CLINT1: variants seen among roughly 807,000 people sequenced by gnomAD.
CLINT1 encodes the protein clathrin interacting protein localized in the trans-Golgi region.
Under a neutral mutation model 70.4 loss-of-function variants are expected in CLINT1, and 15 were observed. The ratio of observed to expected loss-of-function variants is 0.21; its 90% CI spans 0.14 to 0.33. The LOEUF (loss-of-function observed/expected upper bound fraction) is 0.33, where lower values mean the gene tolerates loss of function less well. Among genes scored for constraint, CLINT1 ranks in the 10% least tolerant of loss-of-function variants. CLINT1 has a pLI of 1.00. For synonymous variants in CLINT1, 227 were observed against 254.7 expected (o/e 0.89, Z 1.04); for missense variants, 615 against 778.1 (o/e 0.79, Z 2.49).
Position 157,819,977 on chromosome 5 carries a change from G to A in CLINT1, c.42-2430C>T, listed in dbSNP as rs571608990. Among the ~76,000 whole-genome samples, 6 of 152,264 alleles carry A rather than the reference G, an allele frequency of 3.9e-5. No individual in the cohort carries two copies. The East Asian group carries it at 1.2e-3, about 29-fold the overall frequency. On this transcript the variant is annotated intron_variant, in intron 1 of 11. Coordinates refer to ENST00000411809, the MANE Select transcript of CLINT1 (RefSeq NM_014666.4). Reference sequence around the variant, plus strand: ...GCCTGTGTGAGTGCTGTGTTTAGAGGGAGAGGTGGCAGAGAGCCAATAATC... The same window carrying A: ...GCCTGTGTGAGTGCTGTGTTTAGAGAGAGAGGTGGCAGAGAGCCAATAATC...
intron 1 of CLINT1, among the ~76,000 whole-genome samples, chr5:157,823,480 C>T (rs1351465284): frequency 1.3e-5 from 2 of 152,026 alleles, no homozygotes; most frequent in Non-Finnish European, 2.9e-5. Flanking sequence ...CAAACAGTAA[C>T]TAAAATATAT....
chr5:157,848,807 G>A (rs566837406), intron 1 of CLINT1, among the ~76,000 whole-genome samples: 11 of 152,220 alleles, frequency 7.2e-5, no homozygotes, highest in African/African-American at 1.2e-4. Context: ...GATCACAGGC[G>A]CCCGCCACCA....
At chr5:157,789,745 G>C in intron 10 of CLINT1, 1 of 598,332 alleles carries the variant, frequency 1.7e-6, no homozygotes, top group South Asian at 2.1e-5. Flanking sequence ...GTCCCAATCA[G>C]GTTTGAGGTG....
intron 3 of CLINT1, among the ~76,000 whole-genome samples, chr5:157,816,493 G>A (rs571180189): frequency 6.6e-6 from 1 of 152,180 alleles, no homozygotes; most frequent in Non-Finnish European, 1.5e-5. Flanking sequence ...AAACATTTTA[G>A]TAGGAAAAAT....
At chr5:157,814,864 C>T (rs562679379) in intron 3 of CLINT1, among the ~76,000 whole-genome samples, 1 of 151,930 alleles carries the variant, frequency 6.6e-6, no homozygotes, top group Non-Finnish European at 1.5e-5. Flanking sequence ...GAAACCTCGT[C>T]TCTACTAAAA....
chr5:157,832,608 A>G (rs573376914), intron 1 of CLINT1, among the ~76,000 whole-genome samples: 2 of 152,302 alleles, frequency 1.3e-5, no homozygotes, highest in East Asian at 3.9e-4. Flanking sequence ...TTCATCTTCT[A>G]CATGACCACA....
chr5:157,843,635 T>C (rs954689450), intron 1 of CLINT1, among the ~76,000 whole-genome samples: 1 of 152,186 alleles, frequency 6.6e-6, no homozygotes, highest in African/African-American at 2.4e-5. Context: ...AGAAATTTGA[T>C]CAACTGTGGC....
At chr5:157,848,160 C>G (rs552376978) in intron 1 of CLINT1, among the ~76,000 whole-genome samples, 1 of 143,392 alleles carries the variant, frequency 7.0e-6, no homozygotes, top group Admixed American at 6.9e-5. Context: ...GCTGGAGTGG[C>G]ACTATCTTGG....
At position 157,852,206 on chromosome 5, in the gene CLINT1, T is replaced by C. The variant is rs116841256; in HGVS notation, c.41+6724A>G. ...AACAAGCTGAACAAAATATTAAGAA[T>C]TGGCAGATGGAATTCGCGATATGTC... is the stretch of plus-strand genomic sequence containing the variant. On this transcript the variant is annotated intron_variant, in intron 1 of 11. Coordinates refer to ENST00000411809, the MANE Select transcript of CLINT1 (RefSeq NM_014666.4). Among the ~76,000 whole-genome samples, 182 of 152,342 alleles carry C rather than the reference T, an allele frequency of 1.2e-3. 2 individuals are homozygous for C. In the East Asian group the frequency reaches 0.031, roughly 26 times the overall value.
At chr5:157,793,289 T>C (rs994424019) in intron 9 of CLINT1, among the ~76,000 whole-genome samples, 1 of 152,136 alleles carries the variant, frequency 6.6e-6, no homozygotes. Context: ...AAACTAAGGC[T>C]GCTGGATCAA....
chr5:157,851,136 T>C (rs1753559073), intron 1 of CLINT1, among the ~76,000 whole-genome samples: 1 of 148,046 alleles, frequency 6.8e-6, no homozygotes, highest in African/African-American at 2.6e-5. Flanking sequence ...TGAAAACAAA[T>C]GGCAAACAAA....
Position 157,806,080 on chromosome 5 carries a change from C to A in CLINT1, c.728G>T (p.Gly243Val), listed in dbSNP as rs1198207445. The change falls in exon 7 of 12, where the codon GGC becomes GTC. Residue 243 changes from glycine to valine, a missense_variant. Physicochemically the swap from Gly to Val is moderately radical, Grantham distance 109 (BLOSUM62 -3). This residue lies in a region of CLINT1 where 241 missense variants were observed against 368.6 expected (regional missense o/e 0.65). Transcript: ENST00000411809. ...TTTGAATTCACCTTTGGGAGATCTG[C>A]CTCTTCTCGCTTTCTTTTCCTCATC... Reference protein sequence around the residue: ...DSDEEKKARRGRSPKGEFKDE... With the variant: ...DSDEEKKARRVRSPKGEFKDE... 3 of 1,613,880 alleles carry A rather than the reference C, an allele frequency of 1.9e-6. No homozygotes were observed. Among genetic ancestry groups the A allele is most frequent in the Non-Finnish European group, 2.5e-6 (3 of 1,179,854 alleles).
intron 5 of CLINT1, among the ~76,000 whole-genome samples, chr5:157,811,470 T>C (rs1353299557): frequency 1.3e-5 from 2 of 150,038 alleles, no homozygotes; most frequent in Non-Finnish European, 3.0e-5. Context: ...GAGGCGGAGG[T>C]TGCAGTGAGC....
chr5:157,804,614 A>C lies in CLINT1; in HGVS notation c.943-895T>G, dbSNP rs1762332519. The stretch of plus-strand genomic sequence containing the variant: ...CATTTTTTTTGAGGGGAGGAGGGTA[A>C]ATGAAAACAAAAAAGAAAAAGCTTG... On this transcript the variant is annotated intron_variant, in intron 7 of 11. Coordinates refer to ENST00000411809, the MANE Select transcript of CLINT1 (RefSeq NM_014666.4). Among the ~76,000 whole-genome samples, 6 of 152,188 alleles carry C rather than the reference A, an allele frequency of 3.9e-5. No homozygotes were observed. The South Asian group carries it at 1.2e-3, about 32-fold the overall frequency.
chr5:157,824,060 A>G lies in CLINT1; in HGVS notation c.42-6513T>C, dbSNP rs748838311. ...TTCCACAAAACTGATCCCTGGTGCCAAAAAGGTTAGAGACCACTGCTGCAG... is the reference window on the plus strand; with the variant it reads ...TTCCACAAAACTGATCCCTGGTGCCGAAAAGGTTAGAGACCACTGCTGCAG... On this transcript the variant is annotated intron_variant, in intron 1 of 11. Transcript: ENST00000411809. Among the ~76,000 whole-genome samples, 30 of 152,204 alleles carry G rather than the reference A, an allele frequency of 2.0e-4. 1 individual carries two copies. Among genetic ancestry groups the G allele is most frequent in the Non-Finnish European group, 4.3e-4 (29 of 68,020 alleles).
intron 5 of CLINT1, among the ~76,000 whole-genome samples, chr5:157,812,260 G>A (rs982521616): frequency 6.6e-6 from 1 of 152,132 alleles, no homozygotes; most frequent in African/African-American, 2.4e-5. Context: ...ATATGGGTGG[G>A]GGGAGCTGGA....
intron 8 of CLINT1, chr5:157,795,633 A>G (rs1395365916): frequency 1.3e-5 from 2 of 152,104 alleles, no homozygotes; most frequent in Non-Finnish European, 2.9e-5. Context: ...CAAACAAATA[A>G]AAAAGAACGA....
intron 6 of CLINT1, among the ~76,000 whole-genome samples, chr5:157,806,454 CATG>C (rs1361312936): frequency 2.0e-5 from 3 of 151,980 alleles, no homozygotes; most frequent in African/African-American, 4.8e-5. Flanking sequence ...TATCAGAATC[CATG>C]ATAAGACCCT....
intron 1 of CLINT1, among the ~76,000 whole-genome samples, chr5:157,841,062 G>GA (rs901456433): frequency 6.6e-6 from 1 of 152,080 alleles, no homozygotes; most frequent in African/African-American, 2.4e-5. Context: ...AGGAGTTCAA[G>GA]ACCAGCCTGG....
Sources: allele counts gnomAD v4.1 joint callset (sites outside exome capture counted in the v4.1 genomes callset), GRCh38; gene constraint gnomAD v4.1.1; regional missense constraint gnomAD v4.1.1; transcripts MANE v1.5; gene names NCBI Gene and HGNC (gene_info 2026-07-23, HGNC 2026-07-21).